MORN3: variants seen among roughly 807,000 people sequenced by gnomAD.
MORN3 encodes MORN repeat-containing protein 3.
Under a neutral mutation model 34.7 loss-of-function variants are expected in MORN3, and 38 were observed. The ratio of observed to expected loss-of-function variants is 1.10; its 90% CI spans 0.85 to 1.44. The LOEUF (loss-of-function observed/expected upper bound fraction) is 1.44, where lower values mean the gene tolerates loss of function less well. Among genes scored for constraint, MORN3 ranks in the 40% most tolerant of loss-of-function variants. The pLI is 0.00. For synonymous variants in MORN3, 109 were observed against 115.3 expected, an observed-to-expected ratio of 0.95 and a Z score of 0.35; for missense variants, 311 against 321.7, an observed-to-expected ratio of 0.97 and a Z score of 0.25.
At chr12:121,669,698 C>G (rs1167942261), upstream of MORN3, 3 of 504,154 alleles carry the variant, frequency 6.0e-6, no homozygotes, top group Non-Finnish European at 1.1e-5. Context: ...GGGCCCCCTC[C>G]CAGGGGGTCT....
chr12:121,659,437 A>G (rs1893515173), intron 1 of MORN3, 89 bp from the exon 2 acceptor site: 2 of 1,358,062 alleles, frequency 1.5e-6, no homozygotes, highest in Non-Finnish European at 2.1e-6. Context: ...GCCCCCAACT[A>G]GACGAATCTA....
chr12:121,668,423 C>T (rs1893840875), intron 1 of MORN3, among the ~76,000 whole-genome samples: 1 of 152,132 alleles, frequency 6.6e-6, no homozygotes, highest in Non-Finnish European at 1.5e-5. Flanking sequence ...TGCCTGTAAT[C>T]CCAGCTACTC....
At chr12:121,658,305 G>A in intron 2 of MORN3, among the ~76,000 whole-genome samples, 1 of 152,092 alleles carries the variant, frequency 6.6e-6, no homozygotes, top group East Asian at 1.9e-4. Flanking sequence ...GGTGGCTCAC[G>A]CCTGTAATCC....
intron 3 of MORN3, 60 bp from the exon 4 acceptor site, chr12:121,653,319 G>C: frequency 6.5e-7 from 1 of 1,546,624 alleles, no homozygotes; most frequent in South Asian, 1.2e-5. Context: ...AGACCCCCAG[G>C]GGTCGCTCTT....
intron 1 of MORN3, among the ~76,000 whole-genome samples, chr12:121,665,442 C>T (rs1029923700): frequency 4.7e-5 from 7 of 150,466 alleles, no homozygotes; most frequent in African/African-American, 1.7e-4. Context: ...AGGCGCCCGC[C>T]ACCACGCCCG....
intron 1 of MORN3, among the ~76,000 whole-genome samples, chr12:121,666,211 G>A (rs1419804137): frequency 2.6e-5 from 4 of 151,774 alleles, no homozygotes; most frequent in South Asian, 2.1e-4. Flanking sequence ...TGTGGAGAAC[G>A]GGGTCTCGCT....
At chr12:121,669,832 ATTTT>A (rs63366260), upstream of MORN3, among the ~76,000 whole-genome samples, 762 of 133,544 alleles carry the variant, frequency 5.7e-3, 6 homozygotes, top group Non-Finnish European at 8.9e-3. Flanking sequence ...ATATATATAT[ATTTT>A]TTTTTTTATG....
intron 1 of MORN3, among the ~76,000 whole-genome samples, chr12:121,662,965 A>C (rs1460033131): frequency 2.6e-5 from 4 of 151,874 alleles, no homozygotes; most frequent in African/African-American, 9.7e-5. Flanking sequence ...CCAGCCTGGC[A>C]ACAGAGCGGG....
At chr12:121,664,833 A>G (rs1179684934) in intron 1 of MORN3, among the ~76,000 whole-genome samples, 2 of 148,126 alleles carry the variant, frequency 1.4e-5, no homozygotes, top group African/African-American at 5.1e-5. Flanking sequence ...GACAGGCGAA[A>G]ACAACCTGTT....
At chr12:121,668,007 T>G (rs895485824) in intron 1 of MORN3, among the ~76,000 whole-genome samples, 1 of 149,540 alleles carries the variant, frequency 6.7e-6, no homozygotes, top group African/African-American at 2.5e-5. Flanking sequence ...ACAGGCGTGA[T>G]CCACCACGCC....
chr12:121,671,000 A>G (rs1893947587), upstream of MORN3, among the ~76,000 whole-genome samples: 1 of 150,640 alleles, frequency 6.6e-6, no homozygotes, highest in African/African-American at 2.4e-5. Flanking sequence ...AATCCCAGCT[A>G]CTCGGGAGGC....
At chr12:121,652,692 C>T (rs1555325207) in intron 5 of MORN3, 36 bp downstream of exon 5, 1 of 1,596,674 alleles carries the variant, frequency 6.3e-7, no homozygotes, top group Non-Finnish European at 8.6e-7. Flanking sequence ...GCAGCCTCAG[C>T]CACATCAGAA....
chr12:121,671,809 A>G (rs961696307), upstream of MORN3, among the ~76,000 whole-genome samples: 6 of 151,698 alleles, frequency 4.0e-5, no homozygotes, highest in Non-Finnish European at 7.4e-5. Context: ...GAAACCGGAA[A>G]GCGGATGTTG....
At chr12:121,666,851 C>T (rs929344918) in intron 1 of MORN3, among the ~76,000 whole-genome samples, 41 of 152,016 alleles carry the variant, frequency 2.7e-4, no homozygotes, top group Admixed American at 7.2e-4. Flanking sequence ...CATTCCTATG[C>T]TCTAAACCCT....
intron 4 of MORN3, 42 bp from the exon 5 acceptor site, chr12:121,652,850 G>A (rs782095342): frequency 4.8e-5 from 77 of 1,602,272 alleles, no homozygotes; most frequent in Non-Finnish European, 6.4e-5. Context: ...GAGCATGGAG[G>A]ACCCAGGCTG....
chr12:121,669,698 C>A, upstream of MORN3: 1 of 504,268 alleles, frequency 2.0e-6, no homozygotes, highest in Non-Finnish European at 3.5e-6. Context: ...GGGCCCCCTC[C>A]CAGGGGGTCT....
chr12:121,667,556 G>A (rs1893805049), intron 1 of MORN3, among the ~76,000 whole-genome samples: 1 of 151,080 alleles, frequency 6.6e-6, no homozygotes, highest in Admixed American at 6.6e-5. Flanking sequence ...TCCCCGGCCT[G>A]CAACCTCTCT....
At position 121,650,562 on chromosome 12, in the gene MORN3, A is replaced by T. The variant is rs59041250; in HGVS notation, c.*1089T>A. 0.023 allele frequency: 2,594 copies of T among 111,626 alleles called. 130 individuals carry two copies. Among genetic ancestry groups the T allele is most frequent in the East Asian group, 0.1 (354 of 3,426 alleles). 6.9% of individuals were successfully genotyped at this position (111,626 alleles called of 1,614,324 possible). A position where few individuals can be genotyped will look rare whatever the true frequency, so the allele number is the denominator to read the frequency against. On this transcript the variant is annotated 3_prime_UTR_variant, in exon 6 of 6. Coordinates refer to ENST00000355329, the MANE Select transcript of MORN3 (RefSeq NM_173855.5). The stretch of plus-strand genomic sequence containing the variant: ...AAAAAAAAAAAAAAGGCCAGGCTCG[A>T]TGGCTCACACCTGTAATCCCAGCAC...
In MORN3 at chr12:121,665,234, G is replaced by C. The variant is rs145055782; in HGVS notation, c.145+4105C>G. On this transcript the variant is annotated intron_variant, in intron 1 of 5. Coordinates refer to ENST00000355329, the MANE Select transcript of MORN3 (RefSeq NM_173855.5). ...CAGTACTGGAGTACCTCGTATAGGA[G>C]TCCTGAGACCTGGTTTTAAGATCTC... Among the ~76,000 whole-genome samples, 154 of 144,536 alleles carry C rather than the reference G, an allele frequency of 1.1e-3. 1 individual carries two copies. The East Asian group carries it at 0.03, about 29-fold the overall frequency. The allele number at this position is 144,536 out of a possible 152,430, so 94.8% of individuals were successfully genotyped here.
Sources: allele counts gnomAD v4.1 joint callset (sites outside exome capture counted in the v4.1 genomes callset), GRCh38; gene constraint gnomAD v4.1.1; transcripts MANE v1.5; gene names NCBI Gene and HGNC (gene_info 2026-07-23, HGNC 2026-07-21).